The following PCDH9 variants were observed in gnomAD, a reference collection of about 807,000 sequenced individuals.
PCDH9 encodes protocadherin-9.
In PCDH9, 24 loss-of-function variants were observed where a neutral mutation model predicts 70.6. The observed-to-expected ratio is 0.34, with a 90% CI of 0.25 to 0.48. The LOEUF is 0.48. Among genes scored for constraint, PCDH9 ranks in the 20% least tolerant of loss-of-function variants. The pLI is 0.99. For missense variants in PCDH9, 1,281 were observed against 1,503.6 expected (o/e 0.85, Z 2.45); for synonymous variants, 562 against 558.5 (o/e 1.01, Z -0.09).
At chr13:66,528,356 C>T (rs1482068798) in intron 4 of PCDH9, among the ~76,000 whole-genome samples, 2 of 152,132 alleles carry the variant, frequency 1.3e-5, no homozygotes, top group Admixed American at 1.3e-4. Flanking sequence ...ATCCTCTCTT[C>T]AGATGCCAGC....
chr13:66,447,882 G>A (rs1392671309), intron 4 of PCDH9, among the ~76,000 whole-genome samples: 1 of 152,096 alleles, frequency 6.6e-6, no homozygotes, highest in African/African-American at 2.4e-5. Flanking sequence ...TGATTTTCAA[G>A]TAGTGAAAAA....
chr13:66,600,350 C>T (rs1420260927), intron 4 of PCDH9, among the ~76,000 whole-genome samples: 1 of 151,846 alleles, frequency 6.6e-6, no homozygotes, highest in Non-Finnish European at 1.5e-5. Context: ...GAGGAATTGT[C>T]TCACAGTTGA....
At chr13:66,721,102 C>T (rs1031282182) in intron 3 of PCDH9, among the ~76,000 whole-genome samples, 2 of 152,114 alleles carry the variant, frequency 1.3e-5, no homozygotes, top group South Asian at 2.1e-4. Flanking sequence ...AAATTATTTG[C>T]GCACAGGAGT....
chr13:66,711,593 A>C (rs900334360), intron 3 of PCDH9, among the ~76,000 whole-genome samples: 2 of 152,152 alleles, frequency 1.3e-5, no homozygotes, highest in South Asian at 2.1e-4. Flanking sequence ...TTCATGTTTT[A>C]CACATAAAAG....
chr13:66,852,854 A>T (rs1375932687), intron 3 of PCDH9, among the ~76,000 whole-genome samples: 1 of 152,144 alleles, frequency 6.6e-6, no homozygotes, highest in African/African-American at 2.4e-5. Flanking sequence ...TAGCAAATCT[A>T]CTTGATTAGA....
At position 66,479,978 on chromosome 13, in the gene PCDH9, T is replaced by A. The variant is rs185062776; in HGVS notation, c.3340+151232A>T. 3.0e-4 allele frequency among the ~76,000 whole-genome samples: 45 copies of A among 152,280 alleles called. No individual in the cohort carries two copies. The East Asian group carries it at 7.3e-3, about 25-fold the overall frequency. ...AGCTTTGTTCTTTCACTCTTCACAA[T>A]AAATCCTGCTGCTGCTCACTCTTTG... On this transcript the variant is annotated intron_variant, in intron 4 of 4. Coordinates refer to ENST00000377865, the MANE Select transcript of PCDH9 (RefSeq NM_203487.3).
chr13:66,599,313 T>C (rs989889113), intron 4 of PCDH9, among the ~76,000 whole-genome samples: 1 of 151,742 alleles, frequency 6.6e-6, no homozygotes, highest in Non-Finnish European at 1.5e-5. Flanking sequence ...ATTGAAGAGA[T>C]TTTGAATGTA....
chr13:66,818,926 T>C (rs2080658921), intron 3 of PCDH9, among the ~76,000 whole-genome samples: 1 of 144,856 alleles, frequency 6.9e-6, no homozygotes, highest in South Asian at 2.2e-4. Flanking sequence ...AGAGCTAGAC[T>C]CCCGTCTCAA....
intron 2 of PCDH9, among the ~76,000 whole-genome samples, chr13:67,198,861 A>T (rs936168993): frequency 6.6e-6 from 1 of 151,876 alleles, no homozygotes; most frequent in Non-Finnish European, 1.5e-5. Flanking sequence ...TAGGAGAAAT[A>T]ATGACCTCTG....
intron 3 of PCDH9, among the ~76,000 whole-genome samples, chr13:66,663,653 C>T (rs1003751184): frequency 9.9e-5 from 15 of 152,140 alleles, no homozygotes; most frequent in African/African-American, 3.6e-4. Context: ...GACACATGAA[C>T]CAGACGCATG....
At chr13:66,636,077 G>C (rs774576664) in intron 3 of PCDH9, among the ~76,000 whole-genome samples, 17 of 152,182 alleles carry the variant, frequency 1.1e-4, no homozygotes, top group Admixed American at 6.5e-5. Flanking sequence ...TTGTTAATGT[G>C]TATGTATGTG....
intron 4 of PCDH9, among the ~76,000 whole-genome samples, chr13:66,455,285 T>C (rs1958296579): frequency 6.6e-6 from 1 of 151,520 alleles, no homozygotes; most frequent in African/African-American, 2.4e-5. Context: ...TATATATTTA[T>C]TATAAAAAAG....
At chr13:66,871,417 A>T (rs1275912470) in intron 3 of PCDH9, among the ~76,000 whole-genome samples, 2 of 124,714 alleles carry the variant, frequency 1.6e-5, no homozygotes, top group Non-Finnish European at 3.4e-5. Context: ...TAAAAATAAA[A>T]AATAAATAAA....
intron 3 of PCDH9, among the ~76,000 whole-genome samples, chr13:66,733,911 A>G (rs1281611225): frequency 6.6e-6 from 1 of 152,174 alleles, no homozygotes; most frequent in Non-Finnish European, 1.5e-5. Flanking sequence ...CAGACTATAT[A>G]TCTGTGCAGT....
chr13:67,217,750 C>T (rs2089640003), intron 2 of PCDH9: 2 of 151,966 alleles, frequency 1.3e-5, no homozygotes. Flanking sequence ...CTTATAGACA[C>T]CTGGGGTGTT....
At chr13:66,662,160 C>T (rs2078018433) in intron 3 of PCDH9, among the ~76,000 whole-genome samples, 1 of 151,900 alleles carries the variant, frequency 6.6e-6, no homozygotes, top group Non-Finnish European at 1.5e-5. Context: ...TCAAGTATAT[C>T]AAAGATGAGA....
intron 2 of PCDH9, among the ~76,000 whole-genome samples, chr13:67,006,184 G>A (rs977354083): frequency 2.0e-5 from 3 of 152,184 alleles, no homozygotes; most frequent in Non-Finnish European, 2.9e-5. Flanking sequence ...CGGAGATCGT[G>A]CCACTGCACT....
At chr13:67,012,739 T>C (rs1419035367) in intron 2 of PCDH9, among the ~76,000 whole-genome samples, 3 of 151,920 alleles carry the variant, frequency 2.0e-5, no homozygotes, top group Non-Finnish European at 4.4e-5. Context: ...CTAAATCAAA[T>C]AGTTAACGCT....
At chr13:66,738,747 G>A (rs1593982116) in intron 3 of PCDH9, among the ~76,000 whole-genome samples, 1 of 151,814 alleles carries the variant, frequency 6.6e-6, no homozygotes, top group African/African-American at 2.4e-5. Context: ...TATCAGCAAT[G>A]GAAGACGAAA....
Sources: gnomAD v4.1 joint callset for allele counts (sites outside exome capture counted in the v4.1 genomes callset) on GRCh38, gnomAD v4.1.1 for gene constraint, MANE v1.5 for transcripts, NCBI Gene and HGNC (gene_info 2026-07-23, HGNC 2026-07-21) for gene names.